The following KDM2B variants were observed in gnomAD, a reference collection of about 807,000 sequenced individuals.
The protein encoded by KDM2B is lysine-specific demethylase 2B.
KDM2B carries 26 observed loss-of-function variants against 150.0 expected under a neutral mutation model. That is an observed-to-expected ratio of 0.17 (90% CI 0.13 to 0.24). KDM2B has a LOEUF of 0.24. Among genes scored for constraint, KDM2B ranks in the 10% least tolerant of loss-of-function variants. KDM2B has a pLI of 1.00. For synonymous variants in KDM2B, 734 were observed against 729.5 expected, an observed-to-expected ratio of 1.01 and a Z score of -0.10; for missense variants, 1,265 against 1,816.9, an observed-to-expected ratio of 0.70 and a Z score of 5.52.
At position 121,442,610 on chromosome 12, in the gene KDM2B, T is replaced by G; in HGVS notation, c.2831A>C (p.Lys944Thr). The G allele has an allele frequency of 6.2e-7, 1 of 1,602,574 alleles. No homozygotes were observed. Among genetic ancestry groups the G allele is most frequent in the Non-Finnish European group, 8.5e-7 (1 of 1,179,532 alleles). Reference sequence around the variant, plus strand: ...CTTGCTCAGCTCCCTGCTCAGCTCCTTGTTGGGAAGCCGCCGCTTCCGGCG... The same window carrying G: ...CTTGCTCAGCTCCCTGCTCAGCTCCGTGTTGGGAAGCCGCCGCTTCCGGCG... ...KMRRKRRLPN[K>T]ELSRELSKEL... Residue 944 changes from lysine (K) to threonine (T), a missense_variant, in exon 19 of 23, where the codon AAG becomes ACG. Around this residue, in one of 11 missense-constraint regions of KDM2B, gnomAD observed 418 missense variants for 402.4 expected, o/e 1.04. Transcript: ENST00000377071. This position sits in a 1 kb window ranked among gnomAD's most constrained non-coding sequence, Gnocchi z 7.7.
intron 1 of KDM2B, chr12:121,580,485 G>GCGCCGC: frequency 8.5e-7 from 1 of 1,179,746 alleles, no homozygotes; most frequent in Non-Finnish European, 1.1e-6. Flanking sequence ...CTGCACGCAG[G>GCGCCGC]CGCCGCCGCC....
chr12:121,529,039 G>A (rs1224273850), intron 8 of KDM2B, among the ~76,000 whole-genome samples: 1 of 152,080 alleles, frequency 6.6e-6, no homozygotes, highest in African/African-American at 2.4e-5. Flanking sequence ...ATAACAAAAA[G>A]GAAACTAAAG....
In KDM2B at chr12:121,487,589, AGACCC is replaced by A. The variant is rs1266393617; in HGVS notation, c.1734+6985_1734+6989del. Among the ~76,000 whole-genome samples the A allele has an allele frequency of 3.3e-5, 5 of 152,182 alleles. No individual in the cohort carries two copies. The South Asian group carries it at 8.3e-4, about 25-fold the overall frequency. ...GCTGCTCTCCCACAAGCCTTTCACC[AGACCC>A]GTCGTGCCCTCAGCACTGGACATCT... On this transcript the variant is annotated intron_variant, in intron 12 of 22. Coordinates refer to ENST00000377071, the MANE Select transcript of KDM2B (RefSeq NM_032590.5).
Position 121,521,486 on chromosome 12 carries a change from A to C in KDM2B, c.932-386T>G, listed in dbSNP as rs1391465722. Among the ~76,000 whole-genome samples, 1 of 152,136 alleles carries C rather than the reference A, an allele frequency of 6.6e-6. No homozygotes were observed. Among genetic ancestry groups the C allele is most frequent in the African/African-American group, 2.4e-5 (1 of 41,430 alleles). ...CCTCACCTCCCCTCCCAGGTGGCAC[A>C]TGTGTCCAGAGTCTTTCCTCACCAT... On this transcript the variant is annotated intron_variant, in intron 8 of 22. Coordinates refer to ENST00000377071, the MANE Select transcript of KDM2B (RefSeq NM_032590.5). The surrounding 1 kb of genome is among the most constrained non-coding windows in gnomAD (Gnocchi z 4.9).
Position 121,513,201 on chromosome 12 carries a change from T to A in KDM2B, c.1174+75A>T. On this transcript the variant is annotated intron_variant, in intron 10 of 22. Coordinates refer to ENST00000377071, the MANE Select transcript of KDM2B (RefSeq NM_032590.5). The surrounding 1 kb of genome is among the most constrained non-coding windows in gnomAD (Gnocchi z 5.0). ...GAATCCCCAAAACTCAGGGAGTGTCTCCAGGCCCCACTGAGAAAATGATTT... is the reference window on the plus strand; with the variant it reads ...GAATCCCCAAAACTCAGGGAGTGTCACCAGGCCCCACTGAGAAAATGATTT... 1 of 1,557,958 alleles carries A rather than the reference T, an allele frequency of 6.4e-7. No homozygotes were observed. The highest frequency in any genetic ancestry group is 8.8e-7 in the Non-Finnish European group (1 of 1,135,832).
At chr12:121,532,498 G>A (rs1449814969) in intron 8 of KDM2B, among the ~76,000 whole-genome samples, 1 of 152,214 alleles carries the variant, frequency 6.6e-6, no homozygotes, top group Admixed American at 6.5e-5. Flanking sequence ...CTGCCTCAGG[G>A]CAAACCCACC....
chr12:121,494,124 C>A, intron 12 of KDM2B: 1 of 160,540 alleles, frequency 6.2e-6, no homozygotes, highest in Admixed American at 6.3e-5. Context: ...TCCCAAAATG[C>A]TGAGATTATG....
At chr12:121,462,913 G>T (rs1879307401) in intron 12 of KDM2B, among the ~76,000 whole-genome samples, 1 of 151,610 alleles carries the variant, frequency 6.6e-6, no homozygotes, top group African/African-American at 2.4e-5. Context: ...CCCAGCCTGG[G>T]CAACACAGCA....
At chr12:121,532,704 C>T (rs533029362) in intron 8 of KDM2B, 102 bp downstream of exon 8, 7 of 1,276,254 alleles carry the variant, frequency 5.5e-6, no homozygotes, top group South Asian at 4.1e-5. Flanking sequence ...TGCCAATGGC[C>T]TGTCAAACCC....
chr12:121,475,979 T>G (rs1275102070), intron 12 of KDM2B, among the ~76,000 whole-genome samples: 1 of 148,446 alleles, frequency 6.7e-6, no homozygotes, highest in African/African-American at 2.5e-5. Flanking sequence ...GCCTGAGCAA[T>G]AGAGTGAGAC....
intron 11 of KDM2B, 64 bp from the exon 12 acceptor site, chr12:121,494,729 A>G: frequency 7.9e-7 from 1 of 1,260,516 alleles, no homozygotes; most frequent in South Asian, 1.3e-5. Flanking sequence ...AGACAGCTGA[A>G]CAGCAGACAT....
the KDM2B span, chr12:121,420,390 C>T: frequency 1.9e-6 from 3 of 1,553,834 alleles, no homozygotes; most frequent in Non-Finnish European, 2.6e-6. Flanking sequence ...CAGGAAGGGA[C>T]AGTGCCCTGT....
chr12:121,442,892 A>C lies in KDM2B; in HGVS notation c.2605-56T>G, dbSNP rs1555288962. 1.3e-6 allele frequency: 2 copies of C among 1,551,430 alleles called. No individual in the cohort carries two copies. Among genetic ancestry groups the C allele is most frequent in the Non-Finnish European group, 1.7e-6 (2 of 1,152,114 alleles). On this transcript the variant is annotated intron_variant, in intron 18 of 22. Coordinates refer to ENST00000377071, the MANE Select transcript of KDM2B (RefSeq NM_032590.5). This position sits in a 1 kb window ranked among gnomAD's most constrained non-coding sequence, Gnocchi z 7.7. ...CTGGGGCTCAGGGCTGCGCCCGCCC[A>C]AGGCCTCCCGCCCCCCTGCCACGGG...
intron 11 of KDM2B, among the ~76,000 whole-genome samples, chr12:121,505,066 G>A (rs192635763): frequency 0.016 from 2,443 of 148,284 alleles, 77 homozygotes; most frequent in African/African-American, 0.059. Context: ...GCAGTGAGCC[G>A]AGATCACGCC....
intron 12 of KDM2B, among the ~76,000 whole-genome samples, chr12:121,458,120 C>A (rs1049296019): frequency 7.2e-5 from 11 of 152,174 alleles, no homozygotes; most frequent in African/African-American, 2.7e-4. Context: ...CAGTGGCTCA[C>A]CCCTATAATC....
chr12:121,440,914 C>G lies in KDM2B; in HGVS notation c.3512G>C (p.Ser1171Thr). 4 of 1,614,116 alleles carry G rather than the reference C, an allele frequency of 2.5e-6. No individual in the cohort carries two copies. The highest frequency in any genetic ancestry group is 3.4e-6 in the Non-Finnish European group (4 of 1,180,012). Reference sequence around the variant, plus strand: ...ATCCAGGGTCCGGAGCAGCGGACAACTGGAGCTGCAAAGGGCCGAGACCGC... The same window carrying G: ...ATCCAGGGTCCGGAGCAGCGGACAAGTGGAGCTGCAAAGGGCCGAGACCGC... ...WIAVSALCSSSCPLLRTLDVQ... is the reference protein window; with the variant it reads ...WIAVSALCSSTCPLLRTLDVQ... Residue 1171 changes from serine (S) to threonine (T), a missense_variant, in exon 21 of 23, where the codon AGT (serine) becomes ACT (threonine). This residue lies in a region of KDM2B where 251 missense variants were observed against 397.8 expected (regional missense o/e 0.63). Transcript: ENST00000377071.
the KDM2B span, among the ~76,000 whole-genome samples, chr12:121,410,675 A>G: frequency 6.6e-6 from 1 of 152,138 alleles, no homozygotes; most frequent in South Asian, 2.1e-4. Flanking sequence ...CTCAGAGATG[A>G]TAACTATAAG....
At chr12:121,547,644 C>G (rs986916190) in intron 6 of KDM2B, among the ~76,000 whole-genome samples, 1 of 127,282 alleles carries the variant, frequency 7.9e-6, no homozygotes, top group Non-Finnish European at 1.6e-5. Flanking sequence ...CCTTCCCCTT[C>G]CTTTTTTTTT....
At position 121,442,607 on chromosome 12, in the gene KDM2B, T is replaced by A; in HGVS notation, c.2834A>T (p.Glu945Val). The A allele has an allele frequency of 1.9e-6, 3 of 1,602,468 alleles. No homozygotes were observed. The highest frequency in any genetic ancestry group is 2.5e-6 in the Non-Finnish European group (3 of 1,179,566). ...CTCCTTGCTCAGCTCCCTGCTCAGCTCCTTGTTGGGAAGCCGCCGCTTCCG... is the reference window on the plus strand; with the variant it reads ...CTCCTTGCTCAGCTCCCTGCTCAGCACCTTGTTGGGAAGCCGCCGCTTCCG... ...MRRKRRLPNK[E>V]LSRELSKELN... Residue 945 changes from glutamate (E) to valine (V), a missense_variant, in exon 19 of 23, where the codon GAG becomes GTG. Glu to Val is a moderately radical substitution (Grantham distance 121, BLOSUM62 -2). Around this residue, in one of 11 missense-constraint regions of KDM2B, gnomAD observed 418 missense variants for 402.4 expected, o/e 1.04. Coordinates refer to ENST00000377071, the MANE Select transcript of KDM2B (RefSeq NM_032590.5). The surrounding 1 kb of genome is among the most constrained non-coding windows in gnomAD (Gnocchi z 7.7).
Sources: gnomAD v4.1 joint callset for allele counts (sites outside exome capture counted in the v4.1 genomes callset) on GRCh38, gnomAD v4.1.1 for gene constraint, gnomAD v4.1.1 regional missense constraint, Gnocchi (gnomAD v3.1) non-coding constraint, MANE v1.5 for transcripts, NCBI Gene and HGNC (gene_info 2026-07-23, HGNC 2026-07-21) for gene names.